CNBD2: variants seen among roughly 807,000 people sequenced by gnomAD.
The protein encoded by CNBD2 is cyclic nucleotide-binding domain-containing protein 2.
CNBD2 carries 64 observed loss-of-function variants against 63.7 expected under a neutral mutation model. The ratio of observed to expected loss-of-function variants is 1.00; its 90% CI spans 0.82 to 1.24. The LOEUF (loss-of-function observed/expected upper bound fraction) is 1.24. Ranked by LOEUF, CNBD2 falls within the 50% of genes most tolerant of loss-of-function variation. The pLI is 0.00. For synonymous variants in CNBD2, 229 were observed against 255.4 expected (o/e 0.90, Z 0.99); for missense variants, 691 against 713.5 (o/e 0.97, Z 0.36).
At chr20:36,023,853 T>C in intron 11 of CNBD2, 82 bp downstream of exon 11, 2 of 1,244,498 alleles carry the variant, frequency 1.6e-6, no homozygotes, top group Non-Finnish European at 1.1e-6. Flanking sequence ...GAAGGAAAAA[T>C]ATAATACCTG....
intron 8 of CNBD2, among the ~76,000 whole-genome samples, chr20:36,001,730 G>A (rs1444310305): frequency 2.7e-5 from 4 of 150,526 alleles, no homozygotes; most frequent in South Asian, 2.1e-4. Context: ...GGTCGCGGCC[G>A]GGTAGAGGCG....
intron 10 of CNBD2, among the ~76,000 whole-genome samples, chr20:36,015,232 GTTGT>G (rs2057118260): frequency 6.6e-6 from 1 of 152,058 alleles, no homozygotes; most frequent in Non-Finnish European, 1.5e-5. Context: ...TTGAGACTGT[GTTGT>G]TTAAGTTCAT....
chr20:35,976,405 G>T (rs2056519309), intron 3 of CNBD2, among the ~76,000 whole-genome samples: 1 of 152,196 alleles, frequency 6.6e-6, no homozygotes, highest in Non-Finnish European at 1.5e-5. Context: ...TCTGAGAGAT[G>T]CTGGGCACAC....
At chr20:35,967,544 T>TAAA (rs563739384), upstream of CNBD2, among the ~76,000 whole-genome samples, 3 of 119,960 alleles carry the variant, frequency 2.5e-5, no homozygotes, top group African/African-American at 3.1e-5. Context: ...ACTGCTTTCT[T>TAAA]AAAAAAAAAA....
chr20:36,014,771 A>G (rs1227435805), intron 10 of CNBD2, among the ~76,000 whole-genome samples: 2 of 151,680 alleles, frequency 1.3e-5, no homozygotes, highest in Non-Finnish European at 2.9e-5. Flanking sequence ...AGCTGAGACT[A>G]CAGGTGTGTG....
chr20:35,983,329 G>T (rs999942637), intron 4 of CNBD2, among the ~76,000 whole-genome samples: 4 of 152,042 alleles, frequency 2.6e-5, no homozygotes, highest in Non-Finnish European at 4.4e-5. Context: ...TGAAGGAAAA[G>T]AATAAATATC....
intron 2 of CNBD2, among the ~76,000 whole-genome samples, chr20:35,975,393 C>T (rs1203091687): frequency 8.8e-6 from 1 of 113,290 alleles, no homozygotes; most frequent in African/African-American, 3.6e-5. Context: ...CTCCGCCTCC[C>T]GGGTTCACGC....
intron 8 of CNBD2, among the ~76,000 whole-genome samples, chr20:36,006,186 G>A (rs1048448297): frequency 3.4e-4 from 51 of 151,340 alleles, no homozygotes; most frequent in Non-Finnish European, 8.8e-5. Context: ...GCACCACCAT[G>A]CCCAGCTAAT....
chr20:35,959,260 T>C (rs2056287249), downstream of CNBD2, among the ~76,000 whole-genome samples: 1 of 152,198 alleles, frequency 6.6e-6, no homozygotes, highest in African/African-American at 2.4e-5. Flanking sequence ...GAAGAGATAA[T>C]ACTTCCTTGA....
intron 7 of CNBD2, among the ~76,000 whole-genome samples, chr20:35,991,572 T>C (rs1378987082): frequency 1.3e-5 from 2 of 152,194 alleles, no homozygotes; most frequent in Admixed American, 6.6e-5. Flanking sequence ...CTCTAAGCTC[T>C]TTGATACTAT....
At chr20:36,025,549 T>C (rs1220481040) in intron 11 of CNBD2, among the ~76,000 whole-genome samples, 1 of 152,152 alleles carries the variant, frequency 6.6e-6, no homozygotes, top group Non-Finnish European at 1.5e-5. Context: ...TTGCCCAAGC[T>C]GGTCTTGAAC....
intron 1 of CNBD2, among the ~76,000 whole-genome samples, chr20:35,969,660 T>G (rs1229440111): frequency 6.6e-6 from 1 of 152,204 alleles, no homozygotes; most frequent in African/African-American, 2.4e-5. Flanking sequence ...ACAGACTTAG[T>G]GCTGTGTTCA....
chr20:35,989,379 A>G (rs1013723070), intron 7 of CNBD2, among the ~76,000 whole-genome samples: 1 of 152,208 alleles, frequency 6.6e-6, no homozygotes, highest in Non-Finnish European at 1.5e-5. Context: ...TTCTCTCTTT[A>G]TAGATCTCCT....
At chr20:35,966,046 T>C (rs935461592), upstream of CNBD2, among the ~76,000 whole-genome samples, 5 of 152,194 alleles carry the variant, frequency 3.3e-5, no homozygotes, top group Non-Finnish European at 5.9e-5. Context: ...TTCCTGCCTA[T>C]AGCCATCTCC....
At chr20:36,021,255 G>T (rs2057203550) in intron 10 of CNBD2, among the ~76,000 whole-genome samples, 1 of 152,166 alleles carries the variant, frequency 6.6e-6, no homozygotes, top group Admixed American at 6.5e-5. Context: ...GTCATTTGCA[G>T]CAGCGTGGAT....
intron 2 of CNBD2, among the ~76,000 whole-genome samples, chr20:35,975,292 C>T (rs1202800048): frequency 8.0e-6 from 1 of 124,988 alleles, no homozygotes; most frequent in African/African-American, 3.2e-5. Context: ...TGAGCCACCG[C>T]GCCCGGCCTC....
chr20:35,971,137 C>T (rs372144221), intron 1 of CNBD2, among the ~76,000 whole-genome samples: 3 of 150,660 alleles, frequency 2.0e-5, no homozygotes, highest in South Asian at 2.1e-4. Context: ...TTAGTAGAGA[C>T]GGGGTTTCAC....
intron 10 of CNBD2, among the ~76,000 whole-genome samples, chr20:36,021,339 T>TG (rs751571800): frequency 9.2e-5 from 14 of 152,226 alleles, no homozygotes; most frequent in Non-Finnish European, 1.8e-4. Context: ...CTCACTCATA[T>TG]GTGGGACCTA....
At chr20:35,954,639 T>A, upstream of CNBD2, 1 of 1,298,564 alleles carries the variant, frequency 7.7e-7, no homozygotes, top group Admixed American at 3.1e-5. Context: ...CTGGGCTCCT[T>A]CCGAATGGTG....
Sources: gnomAD v4.1 joint callset for allele counts (sites outside exome capture counted in the v4.1 genomes callset) on GRCh38, gnomAD v4.1.1 for gene constraint, MANE v1.5 for transcripts, NCBI Gene and HGNC (gene_info 2026-07-23, HGNC 2026-07-21) for gene names.